ENTREP2: variants seen among roughly 807,000 people sequenced by gnomAD.
ENTREP2 encodes endosomal transmembrane epsin interactor 2, also known as protein ENTREP2.
At chr15:29,186,991 G>A in the ENTREP2 span, among the ~76,000 whole-genome samples, 1 of 152,108 alleles carries the variant, frequency 6.6e-6, no homozygotes, top group African/African-American at 2.4e-5. Context: ...CACATACCTA[G>A]AGCTGTGTTT....
At chr15:29,399,996 T>C in the ENTREP2 span, among the ~76,000 whole-genome samples, 1 of 152,196 alleles carries the variant, frequency 6.6e-6, no homozygotes, top group African/African-American at 2.4e-5. Flanking sequence ...AGTGGACCTA[T>C]GCTGTTTAAA....
chr15:29,240,645 G>C, the ENTREP2 span, among the ~76,000 whole-genome samples: 2,959 of 152,184 alleles, frequency 0.019, 103 homozygotes, highest in African/African-American at 0.067. Context: ...CAAAATGTGA[G>C]AAATAAATTA....
At chr15:29,255,194 T>C in the ENTREP2 span, among the ~76,000 whole-genome samples, 2 of 152,202 alleles carry the variant, frequency 1.3e-5, no homozygotes, top group Admixed American at 1.3e-4. Flanking sequence ...GAGAATGGTA[T>C]TCAGATACCA....
chr15:29,223,083 A>C, the ENTREP2 span, among the ~76,000 whole-genome samples: 26 of 152,244 alleles, frequency 1.7e-4, no homozygotes, highest in African/African-American at 6.3e-4. Flanking sequence ...GAACAAATCA[A>C]ACAAAGAAGC....
At chr15:29,309,867 T>C in the ENTREP2 span, among the ~76,000 whole-genome samples, 36,595 of 151,428 alleles carry the variant, frequency 0.24, 9,131 homozygotes, top group African/African-American at 0.65. Context: ...ACATATGTCA[T>C]GCCTGTGCTT....
chr15:29,440,693 G>C, the ENTREP2 span, among the ~76,000 whole-genome samples: 1 of 152,150 alleles, frequency 6.6e-6, no homozygotes, highest in South Asian at 2.1e-4. Flanking sequence ...GGCCCAGGAT[G>C]ACAAGGGGCC....
At chr15:29,405,881 G>A in the ENTREP2 span, among the ~76,000 whole-genome samples, 2 of 152,244 alleles carry the variant, frequency 1.3e-5, no homozygotes, top group Non-Finnish European at 2.9e-5. Context: ...GGTCCTGAGG[G>A]GCAGTGTGCT....
chr15:29,649,404 G>C, the ENTREP2 span, among the ~76,000 whole-genome samples: 3 of 152,104 alleles, frequency 2.0e-5, no homozygotes, highest in Non-Finnish European at 2.9e-5. Flanking sequence ...TTCAGACAGA[G>C]TATTTAGCCC....
the ENTREP2 span, chr15:29,452,725 T>G: frequency 6.6e-6 from 1 of 151,888 alleles, no homozygotes; most frequent in Non-Finnish European, 1.5e-5. Flanking sequence ...AGCTCTCTCA[T>G]CTTTAAAATA....
chr15:29,143,435 C>T, the ENTREP2 span, among the ~76,000 whole-genome samples: 1 of 152,158 alleles, frequency 6.6e-6, no homozygotes, highest in South Asian at 2.1e-4. Flanking sequence ...AGTTGCCAGG[C>T]TGCAGGGCTG....
the ENTREP2 span, among the ~76,000 whole-genome samples, chr15:29,514,807 T>A: frequency 1.3e-5 from 2 of 152,088 alleles, no homozygotes; most frequent in African/African-American, 4.8e-5. Context: ...CAGAGTGCAA[T>A]AAAAGAGTGA....
At chr15:29,336,128 C>T in the ENTREP2 span, among the ~76,000 whole-genome samples, 3 of 100,972 alleles carry the variant, frequency 3.0e-5, no homozygotes, top group African/African-American at 1.2e-4. Flanking sequence ...GGCGACAGAG[C>T]GAGACTCCGT....
the ENTREP2 span, among the ~76,000 whole-genome samples, chr15:29,156,616 C>T: frequency 2.0e-5 from 3 of 151,994 alleles, no homozygotes; most frequent in Non-Finnish European, 2.9e-5. Flanking sequence ...TGAGGCGGTA[C>T]CGGAGAGGAG....
the ENTREP2 span, among the ~76,000 whole-genome samples, chr15:29,526,782 T>C: frequency 1.3e-5 from 2 of 152,028 alleles, no homozygotes; most frequent in Admixed American, 6.6e-5. Flanking sequence ...GAAAGGATCA[T>C]GTTTGCCCCA....
the ENTREP2 span, among the ~76,000 whole-genome samples, chr15:29,628,935 A>G: frequency 6.6e-6 from 1 of 152,116 alleles, no homozygotes. Flanking sequence ...ATTTTAGTAG[A>G]GACAGCATTT....
the ENTREP2 span, among the ~76,000 whole-genome samples, chr15:29,142,602 C>T: frequency 2.0e-5 from 3 of 152,200 alleles, no homozygotes; most frequent in South Asian, 6.2e-4. Flanking sequence ...CCAGCCAGCA[C>T]CGCTTAACCA....
the ENTREP2 span, among the ~76,000 whole-genome samples, chr15:29,118,891 C>T: frequency 6.6e-6 from 1 of 152,198 alleles, no homozygotes. Flanking sequence ...AGGCGGTGGC[C>T]TGGGGTCCAG....
the ENTREP2 span, among the ~76,000 whole-genome samples, chr15:29,423,337 CT>C: frequency 6.6e-6 from 1 of 152,066 alleles, no homozygotes; most frequent in African/African-American, 2.4e-5. Flanking sequence ...AAAATTCCTT[CT>C]TCTGACTATA....
At chr15:29,653,844 T>C in the ENTREP2 span, among the ~76,000 whole-genome samples, 3 of 151,712 alleles carry the variant, frequency 2.0e-5, no homozygotes, top group Non-Finnish European at 2.9e-5. Context: ...GAGCTTACGC[T>C]TACCAGGGCA....
Sources: allele counts gnomAD v4.1 joint callset (sites outside exome capture counted in the v4.1 genomes callset), GRCh38; gene constraint gnomAD v4.1.1; transcripts MANE v1.5; gene names NCBI Gene and HGNC (gene_info 2026-07-23, HGNC 2026-07-21).